The following SVOPL variants were observed in gnomAD, a reference collection of about 807,000 sequenced individuals.
The protein encoded by SVOPL is SVOP like, also known as putative transporter SVOPL.
SVOPL carries 60 observed loss-of-function variants against 61.0 expected under a neutral mutation model. The observed-to-expected ratio is 0.98, with a 90% CI of 0.80 to 1.22. SVOPL has a LOEUF of 1.22. SVOPL is among the 50% of genes most tolerant of loss of function. The probability of loss-of-function intolerance (pLI) is 0.00; values close to 1 mark genes in which losing one functional copy is unlikely to be tolerated. For synonymous variants in SVOPL, 279 were observed against 250.0 expected (o/e 1.12, Z -1.09); for missense variants, 662 against 643.9 (o/e 1.03, Z -0.30).
chr7:138,657,337 G>A (rs1801796783), intron 6 of SVOPL, among the ~76,000 whole-genome samples: 1 of 151,858 alleles, frequency 6.6e-6, no homozygotes, highest in Admixed American at 6.6e-5. Context: ...TAAATTTTTT[G>A]TAGAGATGGG....
At chr7:138,641,268 A>C in intron 9 of SVOPL, among the ~76,000 whole-genome samples, 1 of 145,636 alleles carries the variant, frequency 6.9e-6, no homozygotes, top group East Asian at 2.0e-4. Flanking sequence ...TTAGACAACT[A>C]CAACAAAAAA....
chr7:138,629,153 G>GTGTGTGTGTGTGTATATA (rs10624737), intron 10 of SVOPL, among the ~76,000 whole-genome samples: 5 of 147,282 alleles, frequency 3.4e-5, no homozygotes, highest in African/African-American at 7.6e-5. Context: ...GTGTGTGTGT[G>GTGTGTGTGTGTGTATATA]TATATATGTA....
At chr7:138,672,667 A>G (rs1802457056) in intron 3 of SVOPL, among the ~76,000 whole-genome samples, 1 of 150,484 alleles carries the variant, frequency 6.6e-6, no homozygotes, top group Non-Finnish European at 1.5e-5. Context: ...AAAAAAAAAA[A>G]AAAAAAAAGA....
chr7:138,649,284 G>A (rs1801303469), intron 7 of SVOPL, 147 bp from the exon 8 acceptor site: 2 of 1,155,154 alleles, frequency 1.7e-6, no homozygotes, highest in Non-Finnish European at 2.3e-6. Context: ...ACTTTGTCCA[G>A]CATTTTGCCT....
chr7:138,663,550 T>TA (rs1277477783), intron 4 of SVOPL: 2 of 996,498 alleles, frequency 2.0e-6, no homozygotes, highest in African/African-American at 3.5e-5. Context: ...CAAATAGACA[T>TA]AACTTTAAAC....
chr7:138,649,158 G>C, intron 7 of SVOPL, 21 bp from the exon 8 acceptor site: 1 of 1,576,980 alleles, frequency 6.3e-7, no homozygotes, highest in Non-Finnish European at 8.6e-7. Context: ...AGAAGTCCAG[G>C]ATTAAAGTTC....
chr7:138,671,875 A>C, intron 4 of SVOPL, 144 bp downstream of exon 4: 1 of 660,612 alleles, frequency 1.5e-6, no homozygotes, highest in Admixed American at 2.8e-5. Context: ...GGTGACGAAG[A>C]CATCAAATGC....
At chr7:138,655,578 C>CACACACACCCCT (rs1243018660) in intron 7 of SVOPL, among the ~76,000 whole-genome samples, 2 of 151,490 alleles carry the variant, frequency 1.3e-5, no homozygotes, top group Admixed American at 1.3e-4. Context: ...CACGCACACA[C>CACACACACCCCT]ACACACACCC....
chr7:138,654,637 C>T (rs988518490), intron 7 of SVOPL, among the ~76,000 whole-genome samples: 1 of 151,336 alleles, frequency 6.6e-6, no homozygotes, highest in African/African-American at 2.4e-5. Flanking sequence ...GTAGCTGGGA[C>T]TACAGGCGGT....
In SVOPL at chr7:138,628,183, G is replaced by C; in HGVS notation, c.1044C>G (p.Ile348Met). The C allele has an allele frequency of 1.2e-6, 2 of 1,614,188 alleles. No homozygotes were observed. The highest frequency in any genetic ancestry group is 2.2e-5 in the South Asian group (2 of 91,080). Residue 348 changes from isoleucine (I) to methionine (M), a missense_variant, in exon 11 of 16, where the codon ATC becomes ATG. By Grantham distance (10) the Ile-to-Met change is conservative (BLOSUM62 1). Coordinates refer to ENST00000674285, the MANE Select transcript of SVOPL (RefSeq NM_001139456.2). ...AAGCAATTTCACCGATGGTGCTGAT[G>C]ATCATGGTCCGATAGTCAGAGGGTG... ...MFAPSDYRTM[I>M]ISTIGEIALN...
At chr7:138,618,786 C>G (rs34492435) in intron 14 of SVOPL, among the ~76,000 whole-genome samples, 99,105 of 151,136 alleles carry the variant, frequency 0.66, 33,603 homozygotes, top group East Asian at 0.99. Flanking sequence ...AGGAAGGAAA[C>G]AGAAAGATAG....
intron 14 of SVOPL, among the ~76,000 whole-genome samples, chr7:138,608,855 A>G (rs1230410172): frequency 6.6e-6 from 1 of 152,200 alleles, no homozygotes. Flanking sequence ...CACGAACAAG[A>G]ATGAAAGACA....
At chr7:138,699,341 T>C (rs1274372303) in intron 1 of SVOPL, among the ~76,000 whole-genome samples, 2 of 152,226 alleles carry the variant, frequency 1.3e-5, no homozygotes, top group Admixed American at 6.5e-5. Flanking sequence ...AAATAAAGTA[T>C]CTAAAGAGTT....
rs147298691 is a variant in SVOPL, at chr7:138,594,448, A to G, written c.*162T>C. On this transcript the variant is annotated 3_prime_UTR_variant, in exon 16 of 16. Coordinates refer to ENST00000674285, the MANE Select transcript of SVOPL (RefSeq NM_001139456.2). ...ATTGTTCCTCAAGGAAGAGATCAAT[A>G]TACAGTTACCTACCCCATTCCCATA... 577 of 472,126 alleles carry G rather than the reference A, an allele frequency of 1.2e-3. 1 individual carries two copies. Among genetic ancestry groups the G allele is most frequent in the Non-Finnish European group, 1.5e-3 (414 of 268,418 alleles). The allele number at this position is 472,126 out of a possible 1,614,324, so 29.2% of individuals were successfully genotyped here.
At chr7:138,638,244 G>C (rs142918851) in intron 9 of SVOPL, among the ~76,000 whole-genome samples, 1,391 of 135,340 alleles carry the variant, frequency 0.01, 25 homozygotes, top group African/African-American at 0.038. Context: ...CTGTACTCTA[G>C]CCTGGGCAGC....
intron 9 of SVOPL, among the ~76,000 whole-genome samples, chr7:138,643,934 T>G (rs1219719589): frequency 6.6e-6 from 1 of 151,922 alleles, no homozygotes; most frequent in Non-Finnish European, 1.5e-5. Context: ...TTACCACAAT[T>G]TAGACACGCC....
At position 138,628,246 on chromosome 7, in the gene SVOPL, T is replaced by C. The variant is rs1315106457; in HGVS notation, c.981A>G (p.Ser327=). 5.6e-6 allele frequency: 9 copies of C among 1,613,938 alleles called. No individual in the cohort carries two copies. Among genetic ancestry groups the C allele is most frequent in the Middle Eastern group, 3.3e-4 (2 of 6,062 alleles). The change falls in exon 11 of 16, where the codon TCA becomes TCG. Residue 327 remains serine, a synonymous_variant. Coordinates refer to ENST00000674285, the MANE Select transcript of SVOPL (RefSeq NM_001139456.2). ...DSAVVVTGGD[S]GESQSPCYCH... ...AGTAGCAGGGGCTCTGGCTCTCCCC[T>C]GAGTCCCCCCCAGTCACCACCACCG...
At chr7:138,632,736 C>T (rs73465676) in intron 9 of SVOPL, among the ~76,000 whole-genome samples, 4 of 143,272 alleles carry the variant, frequency 2.8e-5, no homozygotes, top group Non-Finnish European at 4.6e-5. Flanking sequence ...AGGATGGGGG[C>T]GGGAGGAAAA....
Position 138,596,554 on chromosome 7 carries a change from C to T in SVOPL, c.1354-24G>A, listed in dbSNP as rs1798290484. The T allele has an allele frequency of 6.8e-6, 11 of 1,610,544 alleles. No individual in the cohort carries two copies. In the East Asian group the frequency reaches 2.5e-4, roughly 36 times the overall value. Reference sequence around the variant, plus strand: ...ACCTGCAAGTCACAAGAGAATTACTCAATTTATTATGCTCCAGTTACCTCT... The same window carrying T: ...ACCTGCAAGTCACAAGAGAATTACTTAATTTATTATGCTCCAGTTACCTCT... On this transcript the variant is annotated intron_variant, in intron 14 of 15. Coordinates refer to ENST00000674285, the MANE Select transcript of SVOPL (RefSeq NM_001139456.2).
Sources: allele counts gnomAD v4.1 joint callset (sites outside exome capture counted in the v4.1 genomes callset), GRCh38; gene constraint gnomAD v4.1.1; transcripts MANE v1.5; gene names NCBI Gene and HGNC (gene_info 2026-07-23, HGNC 2026-07-21).